The following CDH2 variants were observed in gnomAD, a reference collection of about 807,000 sequenced individuals.
The protein encoded by CDH2 is cadherin 2, also known as cadherin-2.
A neutral mutation model predicts 92.0 loss-of-function variants in CDH2; 17 were observed. That is an observed-to-expected ratio of 0.18 (90% CI 0.13 to 0.28). CDH2 has a LOEUF of 0.28. Among genes scored for constraint, CDH2 ranks in the 10% least tolerant of loss-of-function variants. The pLI is 1.00. For missense variants in CDH2, 862 were observed against 1,133.1 expected, an observed-to-expected ratio of 0.76 and a Z score of 3.44; for synonymous variants, 419 against 415.9, an observed-to-expected ratio of 1.01 and a Z score of -0.09.
intron 6 of CDH2, among the ~76,000 whole-genome samples, chr18:27,940,143 A>G (rs1374433613): frequency 1.3e-5 from 2 of 152,176 alleles, no homozygotes; most frequent in African/African-American, 2.4e-5. Flanking sequence ...TAAATTATTC[A>G]TGATAAACTT....
At chr18:28,120,571 C>T (rs2015570846) in intron 2 of CDH2, among the ~76,000 whole-genome samples, 2 of 152,016 alleles carry the variant, frequency 1.3e-5, no homozygotes, top group South Asian at 4.1e-4. Flanking sequence ...TGTAATGGTA[C>T]ATGGCCGAAC....
intron 3 of CDH2, among the ~76,000 whole-genome samples, chr18:28,013,397 C>T (rs969343153): frequency 1.3e-5 from 2 of 152,154 alleles, no homozygotes; most frequent in Admixed American, 1.3e-4. Flanking sequence ...TATTTAACAG[C>T]TTGTAAAACT....
chr18:28,082,238 T>A (rs1208859220), intron 2 of CDH2, among the ~76,000 whole-genome samples: 1 of 146,852 alleles, frequency 6.8e-6, no homozygotes, highest in African/African-American at 2.5e-5. Flanking sequence ...GAGACTCTTG[T>A]CTCTAAAAAA....
At chr18:28,131,366 C>T (rs1348182317) in intron 2 of CDH2, among the ~76,000 whole-genome samples, 1 of 152,058 alleles carries the variant, frequency 6.6e-6, no homozygotes, top group Non-Finnish European at 1.5e-5. Context: ...GAAAAAGAGG[C>T]CACAGGAGTA....
At position 27,963,419 on chromosome 18, in the gene CDH2, G is replaced by A. The variant is rs1264092983; in HGVS notation, c.2452C>T (p.Pro818Ser). 6.2e-7 allele frequency: 1 copy of A among 1,614,044 alleles called. No homozygotes were observed. Among genetic ancestry groups the A allele is most frequent in the Non-Finnish European group, 8.5e-7 (1 of 1,179,998 alleles). ...GCTGCAGATCGGACCGGATACTGGGGCTCGGCGTGGATGGGTCTTTCATCC... is the reference window on the plus strand; with the variant it reads ...GCTGCAGATCGGACCGGATACTGGGACTCGGCGTGGATGGGTCTTTCATCC... ...RMDERPIHAE[P>S]QYPVRSAAPH... Residue 818 changes from proline to serine, a missense_variant, in exon 15 of 16, where the codon CCC (proline) becomes TCC (serine). By Grantham distance (74) the Pro-to-Ser change is moderately conservative. Coordinates refer to ENST00000269141, the MANE Select transcript of CDH2 (RefSeq NM_001792.5).
intron 13 of CDH2, among the ~76,000 whole-genome samples, chr18:27,984,328 G>A (rs2012155176): frequency 6.6e-6 from 1 of 152,172 alleles, no homozygotes; most frequent in Admixed American, 6.5e-5. Context: ...CTTTTAACCT[G>A]CATGCTTAGA....
intron 14 of CDH2, among the ~76,000 whole-genome samples, chr18:27,979,004 T>G (rs181742732): frequency 2.6e-4 from 39 of 151,868 alleles, no homozygotes; most frequent in Admixed American, 2.2e-3. Flanking sequence ...GGAAAAAAAA[T>G]GATAAACTGG....
chr18:28,104,752 CTAGA>C (rs1187632608), intron 2 of CDH2, among the ~76,000 whole-genome samples: 3 of 150,936 alleles, frequency 2.0e-5, no homozygotes, highest in African/African-American at 7.3e-5. Flanking sequence ...TATCTTCTAT[CTAGA>C]TAGATATATG....
At chr18:28,071,955 C>T (rs994933001) in intron 2 of CDH2, among the ~76,000 whole-genome samples, 3 of 152,076 alleles carry the variant, frequency 2.0e-5, no homozygotes, top group Non-Finnish European at 4.4e-5. Flanking sequence ...ACTCAAGTTA[C>T]AATAGAGATA....
chr18:28,140,919 T>C (rs1261540871), intron 2 of CDH2, among the ~76,000 whole-genome samples: 3 of 150,532 alleles, frequency 2.0e-5, no homozygotes, highest in Admixed American at 6.7e-5. Context: ...TACCTATATA[T>C]ATATATAGGT....
intron 2 of CDH2, among the ~76,000 whole-genome samples, chr18:28,035,393 C>CTTGTTATCTTATTGTT (rs1157617889): frequency 1.3e-5 from 2 of 151,930 alleles, no homozygotes; most frequent in Non-Finnish European, 2.9e-5. Context: ...AGCAACTTTG[C>CTTGTTATCTTATTGTT]TGAATATCTT....
intron 2 of CDH2, among the ~76,000 whole-genome samples, chr18:28,042,923 T>C (rs992246548): frequency 8.5e-5 from 13 of 152,188 alleles, no homozygotes; most frequent in Admixed American, 7.2e-4. Context: ...AAATCGAAGA[T>C]ATGGATCATA....
intron 2 of CDH2, among the ~76,000 whole-genome samples, chr18:28,124,001 C>A (rs2015634247): frequency 3.9e-5 from 6 of 152,078 alleles, no homozygotes; most frequent in Admixed American, 3.9e-4. Flanking sequence ...GATGTAGTAA[C>A]AAGTGAAAGG....
At chr18:28,072,994 G>A (rs1425732068) in intron 2 of CDH2, among the ~76,000 whole-genome samples, 4 of 151,878 alleles carry the variant, frequency 2.6e-5, no homozygotes, top group Non-Finnish European at 5.9e-5. Context: ...TTAGCTGTCA[G>A]AATACCAACT....
chr18:28,156,224 A>G (rs2016208048), intron 1 of CDH2, among the ~76,000 whole-genome samples: 1 of 152,126 alleles, frequency 6.6e-6, no homozygotes, highest in Admixed American at 6.5e-5. Context: ...TCTCATTGTC[A>G]TTTCTTTTAA....
chr18:28,115,593 C>A (rs1417154288), intron 2 of CDH2, among the ~76,000 whole-genome samples: 1 of 152,172 alleles, frequency 6.6e-6, no homozygotes, highest in Admixed American at 6.6e-5. Context: ...TGAGGATAGA[C>A]AGAAGATGGC....
At chr18:27,975,798 A>C (rs552510931) in intron 14 of CDH2, among the ~76,000 whole-genome samples, 1 of 152,280 alleles carries the variant, frequency 6.6e-6, no homozygotes, top group Non-Finnish European at 1.5e-5. Flanking sequence ...GGTCATGTGG[A>C]CAAACTGAAG....
At chr18:28,170,751 G>T (rs1190645559) in intron 1 of CDH2, among the ~76,000 whole-genome samples, 2 of 152,004 alleles carry the variant, frequency 1.3e-5, no homozygotes, top group Non-Finnish European at 2.9e-5. Context: ...CTACAGCAGG[G>T]GTTATTAAAT....
At chr18:28,157,821 T>A (rs1182665844) in intron 1 of CDH2, among the ~76,000 whole-genome samples, 2 of 152,160 alleles carry the variant, frequency 1.3e-5, no homozygotes, top group African/African-American at 4.8e-5. Context: ...AAAACTTTTT[T>A]AAACATTTTG....
Sources: allele counts gnomAD v4.1 joint callset (sites outside exome capture counted in the v4.1 genomes callset), GRCh38; gene constraint gnomAD v4.1.1; transcripts MANE v1.5; gene names NCBI Gene and HGNC (gene_info 2026-07-23, HGNC 2026-07-21).